CACNA2D2: variants seen among roughly 807,000 people sequenced by gnomAD.
The protein encoded by CACNA2D2 is voltage-dependent calcium channel subunit alpha-2/delta-2.
Under a neutral mutation model 166.4 loss-of-function variants are expected in CACNA2D2, and 48 were observed. The ratio of observed to expected loss-of-function variants is 0.29; its 90% CI spans 0.23 to 0.37. CACNA2D2 has a LOEUF of 0.37. Among genes scored for constraint, CACNA2D2 ranks in the 10% least tolerant of loss-of-function variants. The pLI, the probability that CACNA2D2 is intolerant of heterozygous loss-of-function variation, is 1.00. For synonymous variants in CACNA2D2, 561 were observed against 573.7 expected (o/e 0.98, Z 0.32); for missense variants, 1,122 against 1,433.0 (o/e 0.78, Z 3.50).
chr3:50,381,590 T>C (rs1575605923), intron 6 of CACNA2D2, among the ~76,000 whole-genome samples: 1 of 128,846 alleles, frequency 7.8e-6, no homozygotes, highest in East Asian at 2.2e-4. Flanking sequence ...AGTTACCTGA[T>C]AAGCTGGAAG....
At position 50,379,136 on chromosome 3, in the gene CACNA2D2, G is replaced by C. The variant is rs1354929205; in HGVS notation, c.1216C>G (p.Arg406Gly). The change falls in exon 12 of 38, where the codon CGC becomes GGC. Residue 406 changes from arginine to glycine, a missense_variant. Around this residue, in one of 2 missense-constraint regions of CACNA2D2, gnomAD observed 840 missense variants for 1,166.8 expected, o/e 0.72. Transcript: ENST00000424201. This position sits in a 1 kb window ranked among gnomAD's most constrained non-coding sequence, Gnocchi z 6.5. ...TACTTCTCAAAGACGTCCTGCACGC[G>C]GTCCTCACCACCATCCGTGAACATC... The part of the protein sequence containing the change: ...IMMFTDGGED[R>G]VQDVFEKYNW... 1.9e-6 allele frequency: 3 copies of C among 1,613,798 alleles called. No homozygotes were observed. Among genetic ancestry groups the C allele is most frequent in the African/African-American group, 1.3e-5 (1 of 74,890 alleles).
chr3:50,433,703 G>A (rs1419228548), intron 3 of CACNA2D2, among the ~76,000 whole-genome samples: 1 of 152,288 alleles, frequency 6.6e-6, no homozygotes, highest in Middle Eastern at 3.4e-3. Context: ...TCAGGGGTCT[G>A]CCTGCTTTGT....
intron 2 of CACNA2D2, among the ~76,000 whole-genome samples, chr3:50,468,755 C>T (rs1466736450): frequency 6.6e-6 from 1 of 151,982 alleles, no homozygotes; most frequent in Non-Finnish European, 1.5e-5. Flanking sequence ...CCATTCCCAA[C>T]GCCAACATCT....
intron 2 of CACNA2D2, among the ~76,000 whole-genome samples, chr3:50,439,430 G>A (rs996704489): frequency 1.3e-5 from 2 of 152,228 alleles, no homozygotes; most frequent in African/African-American, 2.4e-5. Context: ...AAGATTTGAC[G>A]CAGGCTTGGC....
At chr3:50,481,198 AG>A (rs1227864350) in intron 1 of CACNA2D2, among the ~76,000 whole-genome samples, 4 of 151,690 alleles carry the variant, frequency 2.6e-5, no homozygotes, top group Non-Finnish European at 4.4e-5. Context: ...GACCCAGCAG[AG>A]GGGCGAGAAA....
Position 50,366,592 on chromosome 3 carries a change from C to T in CACNA2D2, c.2623G>A (p.Glu875Lys), listed in dbSNP as rs140562117. Residue 875 changes from glutamate (E) to lysine (K), a missense_variant, in exon 30 of 38, where the codon GAG becomes AAG. Glu to Lys is a moderately conservative substitution (Grantham distance 56, BLOSUM62 1). Transcript: ENST00000424201. The surrounding 1 kb of genome is among the most constrained non-coding windows in gnomAD (Gnocchi z 5.9). The part of the protein sequence containing the change: ...GPNSHCEMDC[E>K]VNNEDLLCVL... ...GGCACACACACCTCATTGTTAACCT[C>T]GCAGTCCATCTCACAGTGGCTGTTG... 50 of 1,613,906 alleles carry T rather than the reference C, an allele frequency of 3.1e-5. No individual in the cohort carries two copies. The highest frequency in any genetic ancestry group is 2.0e-4 in the African/African-American group (15 of 74,918).
intron 2 of CACNA2D2, among the ~76,000 whole-genome samples, chr3:50,468,203 G>A (rs959312702): frequency 2.6e-5 from 4 of 152,192 alleles, no homozygotes; most frequent in African/African-American, 9.7e-5. Context: ...TCCGGCTCTG[G>A]ACATGGCAGC....
intron 4 of CACNA2D2, among the ~76,000 whole-genome samples, chr3:50,393,551 C>T (rs901812494): frequency 6.6e-6 from 1 of 152,202 alleles, no homozygotes; most frequent in African/African-American, 2.4e-5. Context: ...AGATCCTCTG[C>T]GCTCAGCTTC....
Position 50,379,035 on chromosome 3 carries a change from A to G in CACNA2D2, c.1261-42T>C, listed in dbSNP as rs752766746. 1 of 1,613,726 alleles carries G rather than the reference A, an allele frequency of 6.2e-7. No individual in the cohort carries two copies. On this transcript the variant is annotated intron_variant, in intron 12 of 37. Transcript: ENST00000424201. This position sits in a 1 kb window ranked among gnomAD's most constrained non-coding sequence, Gnocchi z 6.5. ...GTTACTGCTGTGGCCACCAGGGGAC[A>G]GCCCTCTTCTGTACTGGGCCCAGGT...
intron 22 of CACNA2D2, among the ~76,000 whole-genome samples, chr3:50,371,650 AG>A (rs1301154538): frequency 6.6e-6 from 1 of 151,960 alleles, no homozygotes; most frequent in South Asian, 2.1e-4. Context: ...ATTCTGGGGA[AG>A]GGGGCACTTG....
chr3:50,471,675 G>A (rs1419722096), intron 2 of CACNA2D2, among the ~76,000 whole-genome samples: 1 of 152,182 alleles, frequency 6.6e-6, no homozygotes, highest in East Asian at 1.9e-4. Context: ...AGGGGACAGG[G>A]GGAGGCCTGT....
chr3:50,364,551 C>T lies in CACNA2D2; in HGVS notation c.*115G>A. 7.8e-7 allele frequency: 1 copy of T among 1,284,704 alleles called. No homozygotes were observed. Among genetic ancestry groups the T allele is most frequent in the Non-Finnish European group, 1.0e-6 (1 of 962,068 alleles). 79.6% of individuals were successfully genotyped at this position (1,284,704 alleles called of 1,614,324 possible). A position where few individuals can be genotyped will look rare whatever the true frequency, so the allele number is the denominator to read the frequency against. On this transcript the variant is annotated 3_prime_UTR_variant, in exon 38 of 38. Coordinates refer to ENST00000424201, the MANE Select transcript of CACNA2D2 (RefSeq NM_006030.4). ...CCAGACTCTCAGGGCCTGGCCAGCT[C>T]AGGTCCTTCAGTGAGGGAGGGACGA...
chr3:50,441,060 G>T (rs1029208662), intron 2 of CACNA2D2, among the ~76,000 whole-genome samples: 3 of 152,014 alleles, frequency 2.0e-5, no homozygotes, highest in African/African-American at 7.3e-5. Context: ...GCTTGTTGGG[G>T]GACAGAAGCT....
At chr3:50,486,032 C>T (rs1483465016) in intron 1 of CACNA2D2, among the ~76,000 whole-genome samples, 1 of 151,996 alleles carries the variant, frequency 6.6e-6, no homozygotes, top group Non-Finnish European at 1.5e-5. Context: ...CAGCACATTC[C>T]CCAGGTAGTC....
In CACNA2D2 at chr3:50,392,188, T is replaced by C. The variant is rs976263170; in HGVS notation, c.465+1921A>G. On this transcript the variant is annotated intron_variant, in intron 4 of 37. Transcript: ENST00000424201. ...CCTGCAAGGGACAAAACAGCATCCC[T>C]TCCCAGCCTCAAGTCCCTGCACCCT... Among the ~76,000 whole-genome samples, 4 of 152,148 alleles carry C rather than the reference T, an allele frequency of 2.6e-5. No homozygotes were observed. In the South Asian group the frequency reaches 6.2e-4, roughly 24 times the overall value.
At chr3:50,419,263 G>A (rs1166437640) in intron 3 of CACNA2D2, among the ~76,000 whole-genome samples, 1 of 152,198 alleles carries the variant, frequency 6.6e-6, no homozygotes, top group Non-Finnish European at 1.5e-5. Flanking sequence ...CAGAGTTAGG[G>A]ATGGGCTAAC....
chr3:50,461,745 CAAAAAAA>C (rs561980044), intron 2 of CACNA2D2, among the ~76,000 whole-genome samples: 2 of 40,598 alleles, frequency 4.9e-5, no homozygotes, highest in African/African-American at 9.1e-5. Flanking sequence ...TGGGGAGTCT[CAAAAAAA>C]AAAAAAAAAA....
chr3:50,404,086 G>A (rs886999148), intron 3 of CACNA2D2, among the ~76,000 whole-genome samples: 1 of 152,250 alleles, frequency 6.6e-6, no homozygotes, highest in Non-Finnish European at 1.5e-5. Context: ...TGGATCAGGA[G>A]TTGCCCTTGG....
intron 2 of CACNA2D2, among the ~76,000 whole-genome samples, chr3:50,435,890 C>G (rs1266330960): frequency 6.6e-6 from 1 of 152,214 alleles, no homozygotes; most frequent in East Asian, 1.9e-4. Flanking sequence ...GGCCACATGG[C>G]CAGGGAGAAG....
Sources: gnomAD v4.1 joint callset for allele counts (sites outside exome capture counted in the v4.1 genomes callset) on GRCh38, gnomAD v4.1.1 for gene constraint, gnomAD v4.1.1 regional missense constraint, Gnocchi (gnomAD v3.1) non-coding constraint, MANE v1.5 for transcripts, NCBI Gene and HGNC (gene_info 2026-07-23, HGNC 2026-07-21) for gene names.